The following SLC20A1 variants were observed in gnomAD, a reference collection of about 807,000 sequenced individuals.
SLC20A1 encodes the protein solute carrier family 20 member 1, also known as sodium-dependent phosphate transporter 1.
A neutral mutation model predicts 62.7 loss-of-function variants in SLC20A1; 28 were observed. The ratio of observed to expected loss-of-function variants is 0.45; its 90% CI spans 0.33 to 0.61. The LOEUF (loss-of-function observed/expected upper bound fraction) is 0.61. Among genes scored for constraint, SLC20A1 ranks in the 20% least tolerant of loss-of-function variants. The probability of loss-of-function intolerance (pLI) is 0.02; values close to 1 mark genes in which losing one functional copy is unlikely to be tolerated. For synonymous variants in SLC20A1, 305 were observed against 302.9 expected, an observed-to-expected ratio of 1.01 and a Z score of -0.07; for missense variants, 673 against 838.6, an observed-to-expected ratio of 0.80 and a Z score of 2.44.
chr2:112,660,759 A>T (rs1160549653), intron 9 of SLC20A1, 187 bp downstream of exon 9: 1 of 575,984 alleles, frequency 1.7e-6, no homozygotes, highest in Admixed American at 3.5e-5. Flanking sequence ...CATTTTACCC[A>T]TTTAGCTCTG....
At position 112,659,479 on chromosome 2, in the gene SLC20A1, G is replaced by A. The variant is rs1242821259; in HGVS notation, c.1324G>A (p.Gly442Ser). The A allele has an allele frequency of 2.5e-6, 4 of 1,614,170 alleles. No homozygotes were observed. Residue 442 changes from glycine (G) to serine (S), a missense_variant, in exon 8 of 11, where the codon GGC (glycine) becomes AGC (serine). By Grantham distance (56) the Gly-to-Ser change is moderately conservative. Transcript: ENST00000272542. ...CCGTGCCAAAGAAGGTGAACAGAAGGGCGAAGAAATGGAGAAGCTGACATG... is the reference window on the plus strand; with the variant it reads ...CCGTGCCAAAGAAGGTGAACAGAAGAGCGAAGAAATGGAGAAGCTGACATG... Reference protein sequence around the residue: ...SFRAKEGEQKGEEMEKLTWPN... With the variant: ...SFRAKEGEQKSEEMEKLTWPN...
At chr2:112,652,491 G>GA in intron 4 of SLC20A1, 2 of 577,836 alleles carry the variant, frequency 3.5e-6, no homozygotes. Context: ...GTTATTAAAA[G>GA]AAAAAAGAAA....
intron 5 of SLC20A1, chr2:112,653,000 C>G: frequency 7.6e-7 from 1 of 1,314,592 alleles, no homozygotes; most frequent in Non-Finnish European, 1.1e-6. Flanking sequence ...TGCTCAGATT[C>G]TAAATCACTA....
At chr2:112,656,549 A>G (rs987186263) in intron 5 of SLC20A1, among the ~76,000 whole-genome samples, 5 of 152,204 alleles carry the variant, frequency 3.3e-5, no homozygotes, top group Admixed American at 6.5e-5. Context: ...CTTTTGATAG[A>G]TAATATCCTT....
At chr2:112,660,703 T>TG in intron 9 of SLC20A1, 131 bp downstream of exon 9, 2 of 801,224 alleles carry the variant, frequency 2.5e-6, no homozygotes, top group Non-Finnish European at 3.8e-6. Context: ...ATTGTCATTG[T>TG]TCTTTTTAGA....
intron 6 of SLC20A1, 127 bp downstream of exon 6, chr2:112,657,368 T>G: frequency 6.3e-6 from 6 of 957,498 alleles, no homozygotes; most frequent in African/African-American, 1.7e-5. Flanking sequence ...AATTTGAGGA[T>G]ATGGGTTTGT....
Position 112,661,166 on chromosome 2 carries a change from T to G in SLC20A1, c.1818T>G (p.Ser606=). 1 of 1,614,140 alleles carries G rather than the reference T, an allele frequency of 6.2e-7. No individual in the cohort carries two copies. The highest frequency in any genetic ancestry group is 8.5e-7 in the Non-Finnish European group (1 of 1,179,958). Residue 606 remains serine, a synonymous_variant, in exon 10 of 11, where the codon TCT becomes TCG. Transcript: ENST00000272542. ...PSSGFSIELA[S]ALTVVIASNI... is the part of the protein sequence containing the mutation. The stretch of plus-strand genomic sequence containing the variant: ...GTGGCTTCAGTATTGAACTGGCATC[T>G]GCCCTCACTGTGGTGATTGCATCAA...
At chr2:112,654,063 A>G (rs1178396063) in intron 5 of SLC20A1, among the ~76,000 whole-genome samples, 1 of 152,190 alleles carries the variant, frequency 6.6e-6, no homozygotes, top group East Asian at 1.9e-4. Context: ...AAGTGCTGGG[A>G]TTACAGACAT....
intron 2 of SLC20A1, 60 bp from the exon 3 acceptor site, chr2:112,647,264 A>G (rs778664870): frequency 1.9e-6 from 3 of 1,591,630 alleles, no homozygotes; most frequent in South Asian, 2.2e-5. Flanking sequence ...ACCTTTCTGA[A>G]TGTGCCACTT....
At position 112,646,778 on chromosome 2, in the gene SLC20A1, T is replaced by A; in HGVS notation, c.-51T>A. The A allele has an allele frequency of 7.7e-7, 1 of 1,291,342 alleles. No individual in the cohort carries two copies. The allele number at this position is 1,291,342 out of a possible 1,614,324, so 80.0% of individuals were successfully genotyped here. A position where few individuals can be genotyped will look rare whatever the true frequency, so the allele number is the denominator to read the frequency against. ...TGATACCTCATATTCTGTTTACACA[T>A]CTTGAAAGGCGCTCAGTAGTTCTCT... On this transcript the variant is annotated 5_prime_UTR_variant, in exon 2 of 11. Transcript: ENST00000272542.
At chr2:112,654,420 T>C (rs1686529009) in intron 5 of SLC20A1, among the ~76,000 whole-genome samples, 1 of 152,226 alleles carries the variant, frequency 6.6e-6, no homozygotes, top group African/African-American at 2.4e-5. Context: ...GAAACTTAGA[T>C]ATTTTCGTTG....
chr2:112,663,408 C>T lies in SLC20A1; in HGVS notation c.*383C>T, dbSNP rs1485047465. ...GAGCCGTTTGACAGAGCATGCTCTGCGTTGTTGGTTTCACCAGCTTCTGCC... is the reference window on the plus strand; with the variant it reads ...GAGCCGTTTGACAGAGCATGCTCTGTGTTGTTGGTTTCACCAGCTTCTGCC... On this transcript the variant is annotated 3_prime_UTR_variant, in exon 11 of 11. Transcript: ENST00000272542. 3 of 338,144 alleles carry T rather than the reference C, an allele frequency of 8.9e-6. No individual in the cohort carries two copies. In the East Asian group the frequency reaches 2.5e-4, roughly 28 times the overall value. 20.9% of individuals were successfully genotyped at this position (338,144 alleles called of 1,614,324 possible). A position where few individuals can be genotyped will look rare whatever the true frequency, so the allele number is the denominator to read the frequency against.
At position 112,646,724 on chromosome 2, in the gene SLC20A1, A is replaced by G; in HGVS notation, c.-105A>G. On this transcript the variant is annotated 5_prime_UTR_variant, in exon 2 of 11. The change creates a new upstream start codon in the 5' untranslated region. Coordinates refer to ENST00000272542, the MANE Select transcript of SLC20A1 (RefSeq NM_005415.5). ...CGTAGTTTACAGTATTTAATTTTAT[A>G]TAATATATATTATTTATTATAGCAT... 2.2e-6 allele frequency: 1 copy of G among 462,214 alleles called. No homozygotes were observed. The highest frequency in any genetic ancestry group is 3.4e-6 in the Non-Finnish European group (1 of 293,226). 28.6% of individuals were successfully genotyped at this position (462,214 alleles called of 1,614,324 possible).
At chr2:112,656,389 T>TG (rs1456023344) in intron 5 of SLC20A1, among the ~76,000 whole-genome samples, 1 of 151,214 alleles carries the variant, frequency 6.6e-6, no homozygotes, top group Non-Finnish European at 1.5e-5. Context: ...TTAGTAGAGA[T>TG]GGGGTTTTGC....
chr2:112,657,609 A>G (rs1202031260), intron 6 of SLC20A1, among the ~76,000 whole-genome samples: 1 of 152,248 alleles, frequency 6.6e-6, no homozygotes, highest in Non-Finnish European at 1.5e-5. Flanking sequence ...AATGAAAAAT[A>G]AGGGGTAGAT....
Position 112,651,203 on chromosome 2 carries a change from G to A in SLC20A1, c.562-1499G>A, listed in dbSNP as rs527737770. Among the ~76,000 whole-genome samples the A allele has an allele frequency of 2.0e-5, 3 of 152,162 alleles. No homozygotes were observed. In the East Asian group the frequency reaches 5.8e-4, roughly 29 times the overall value. On this transcript the variant is annotated intron_variant, in intron 4 of 10. Coordinates refer to ENST00000272542, the MANE Select transcript of SLC20A1 (RefSeq NM_005415.5). The stretch of plus-strand genomic sequence containing the variant: ...GTACCTTTACTTTACACATGGGTCT[G>A]AGCTTTCCCTTGTTTCACTGGTCTT...
rs1442880575 is a variant in SLC20A1 at position 112,660,524 on chromosome 2, G to A, written c.1745G>A (p.Arg582Lys). ...ICVGLWVWGR[R>K]VIQTMGKDLT... ...GTTGGTCTGTGGGTTTGGGGAAGAA[G>A]AGTTATCCAGACCATGGGGAAGGAT... is the stretch of plus-strand genomic sequence containing the variant. The change falls in exon 9 of 11, where the codon AGA (arginine) becomes AAA (lysine). Residue 582 changes from arginine (R) to lysine (K), a missense_variant. By Grantham distance (26) the Arg-to-Lys change is conservative (BLOSUM62 2). Coordinates refer to ENST00000272542, the MANE Select transcript of SLC20A1 (RefSeq NM_005415.5). 6 of 1,614,180 alleles carry A rather than the reference G, an allele frequency of 3.7e-6. No homozygotes were observed. The Admixed American group carries it at 6.7e-5, about 18-fold the overall frequency.
chr2:112,647,762 G>T (rs761197531), intron 4 of SLC20A1, 24 bp downstream of exon 4: 2 of 1,559,830 alleles, frequency 1.3e-6, no homozygotes, highest in Non-Finnish European at 1.8e-6. Flanking sequence ...CCCGTATGAA[G>T]ACCTTTCATG....
intron 6 of SLC20A1, 48 bp from the exon 7 acceptor site, chr2:112,658,776 GT>G: frequency 6.5e-7 from 1 of 1,538,518 alleles, no homozygotes; most frequent in Non-Finnish European, 8.7e-7. Flanking sequence ...GTGGAACAAA[GT>G]AGTATGGCCA....
Sources: allele counts gnomAD v4.1 joint callset (sites outside exome capture counted in the v4.1 genomes callset), GRCh38; gene constraint gnomAD v4.1.1; transcripts MANE v1.5; gene names NCBI Gene and HGNC (gene_info 2026-07-23, HGNC 2026-07-21).